Variants in GREM2 observed in about 807,000 individuals in gnomAD.
GREM2 encodes the protein gremlin 2, DAN family BMP antagonist.
A neutral mutation model predicts 14.2 loss-of-function variants in GREM2; 11 were observed. The observed-to-expected ratio is 0.78, with a 90% CI of 0.49 to 1.28. The LOEUF (loss-of-function observed/expected upper bound fraction) is 1.28, where lower values mean the gene tolerates loss of function less well. GREM2 is among the 50% of genes most tolerant of loss of function. The pLI is 0.00. For missense variants in GREM2, 210 were observed against 218.5 expected (o/e 0.96, Z 0.24); for synonymous variants, 98 against 97.6 (o/e 1.00, Z -0.02).
chr1:240,528,873 C>T (rs1372459697), intron 1 of GREM2, among the ~76,000 whole-genome samples: 1 of 152,186 alleles, frequency 6.6e-6, no homozygotes, highest in Non-Finnish European at 1.5e-5. Flanking sequence ...ATCAAGGAGA[C>T]TCGCTTAACC....
intron 1 of GREM2, among the ~76,000 whole-genome samples, chr1:240,527,521 T>C (rs866513631): frequency 2.0e-5 from 3 of 152,218 alleles, no homozygotes; most frequent in African/African-American, 7.2e-5. Flanking sequence ...GCTTCTCTGC[T>C]GACAGGAGAA....
chr1:240,510,166 G>A (rs542737748), intron 1 of GREM2, among the ~76,000 whole-genome samples: 3 of 152,028 alleles, frequency 2.0e-5, no homozygotes, highest in Non-Finnish European at 4.4e-5. Context: ...TCAGGAGATT[G>A]GGACCATCCT....
intron 1 of GREM2, among the ~76,000 whole-genome samples, chr1:240,538,221 A>T (rs1440816693): frequency 6.6e-6 from 1 of 152,114 alleles, no homozygotes; most frequent in Non-Finnish European, 1.5e-5. Context: ...GCACCCCTCA[A>T]ATGCTATGAC....
chr1:240,510,167 G>A (rs56253812), intron 1 of GREM2, among the ~76,000 whole-genome samples: 3,235 of 151,850 alleles, frequency 0.021, 45 homozygotes, highest in Middle Eastern at 0.092. Context: ...CAGGAGATTG[G>A]GACCATCCTG....
chr1:240,586,050 TCA>T lies in GREM2; in HGVS notation c.-2+25832_-2+25833del, dbSNP rs1036236952. 6.0e-5 allele frequency among the ~76,000 whole-genome samples: 9 copies of T among 151,004 alleles called. No homozygotes were observed. In the East Asian group the frequency reaches 7.8e-4, roughly 13 times the overall value. ...ATAGAAAAAAAAAAAAAGACAAAACTCACACACAGAGCAGAAAAGCCCTTTCT... is the reference window on the plus strand; with the variant it reads ...ATAGAAAAAAAAAAAAAGACAAAACTCACACAGAGCAGAAAAGCCCTTTCT... On this transcript the variant is annotated intron_variant, in intron 1 of 1. Coordinates refer to ENST00000318160, the MANE Select transcript of GREM2 (RefSeq NM_022469.4).
intron 1 of GREM2, among the ~76,000 whole-genome samples, chr1:240,512,015 A>C (rs1677844873): frequency 6.6e-6 from 1 of 152,230 alleles, no homozygotes; most frequent in African/African-American, 2.4e-5. Flanking sequence ...AAGCAGGGAA[A>C]AGAACATGTG....
chr1:240,544,061 G>A (rs1461549655), intron 1 of GREM2, among the ~76,000 whole-genome samples: 1 of 151,806 alleles, frequency 6.6e-6, no homozygotes, highest in African/African-American at 2.4e-5. Context: ...ATGAAGTGAT[G>A]TATAGACACT....
intron 1 of GREM2, among the ~76,000 whole-genome samples, chr1:240,547,532 T>TATAGACAGATAGATAG (rs1553275860): frequency 1.1e-3 from 130 of 121,842 alleles, no homozygotes; most frequent in African/African-American, 4.5e-3. Context: ...TATATATATA[T>TATAGACAGATAGATAG]ATAGATAGAT....
intron 1 of GREM2, among the ~76,000 whole-genome samples, chr1:240,567,939 T>C (rs1305685657): frequency 6.6e-6 from 1 of 152,082 alleles, no homozygotes; most frequent in African/African-American, 2.4e-5. Context: ...TAAAACCCTG[T>C]CTCTACTAAA....
At chr1:240,609,868 C>T (rs1558182825) in intron 1 of GREM2, among the ~76,000 whole-genome samples, 1 of 151,912 alleles carries the variant, frequency 6.6e-6, no homozygotes, top group Non-Finnish European at 1.5e-5. Flanking sequence ...AGGCATGTAC[C>T]TTGTTTAAAC....
At position 240,507,960 on chromosome 1, in the gene GREM2, A is replaced by G. The variant is rs528435363; in HGVS notation, c.-1-14484T>C. 1.4e-3 allele frequency among the ~76,000 whole-genome samples: 206 copies of G among 152,342 alleles called. 1 individual carries two copies. The highest frequency in any genetic ancestry group is 2.6e-3 in the Non-Finnish European group (176 of 68,036). ...TAAATGAAATAACTAGAGAGGATGGAAAGTGTTTTCTGACCCACAGCATTG... is the reference window on the plus strand; with the variant it reads ...TAAATGAAATAACTAGAGAGGATGGGAAGTGTTTTCTGACCCACAGCATTG... On this transcript the variant is annotated intron_variant, in intron 1 of 1. Coordinates refer to ENST00000318160, the MANE Select transcript of GREM2 (RefSeq NM_022469.4).
chr1:240,541,959 G>A (rs1320759779), intron 1 of GREM2, among the ~76,000 whole-genome samples: 1 of 152,078 alleles, frequency 6.6e-6, no homozygotes, highest in East Asian at 1.9e-4. Flanking sequence ...TCTCTACTCT[G>A]TACTCCATTT....
intron 1 of GREM2, among the ~76,000 whole-genome samples, chr1:240,563,010 GTA>G (rs1201492590): frequency 3.3e-5 from 5 of 149,828 alleles, no homozygotes; most frequent in African/African-American, 1.2e-4. Flanking sequence ...ATATGTGAGT[GTA>G]TGTGTGTATG....
intron 1 of GREM2, among the ~76,000 whole-genome samples, chr1:240,508,788 C>G (rs533190254): frequency 6.6e-6 from 1 of 152,126 alleles, no homozygotes; most frequent in Non-Finnish European, 1.5e-5. Context: ...CACAACACAC[C>G]TGGGAATGCA....
intron 1 of GREM2, among the ~76,000 whole-genome samples, chr1:240,562,667 T>C (rs1465887437): frequency 2.0e-5 from 3 of 152,162 alleles, no homozygotes; most frequent in African/African-American, 7.2e-5. Context: ...CTTTTCTCTT[T>C]AGCATTTACT....
chr1:240,580,779 C>A lies in GREM2; in HGVS notation c.-2+31105G>T, dbSNP rs563923439. 2.0e-5 allele frequency among the ~76,000 whole-genome samples: 3 copies of A among 152,264 alleles called. No homozygotes were observed. The East Asian group carries it at 5.8e-4, about 30-fold the overall frequency. Reference sequence around the variant, plus strand: ...GAAGAGATGGTGTCTCACTATTTTGCCCAGGCTGATCTTAAACTCCTCACC... The same window carrying A: ...GAAGAGATGGTGTCTCACTATTTTGACCAGGCTGATCTTAAACTCCTCACC... On this transcript the variant is annotated intron_variant, in intron 1 of 1. Coordinates refer to ENST00000318160, the MANE Select transcript of GREM2 (RefSeq NM_022469.4).
At chr1:240,577,415 G>A (rs1249641875) in intron 1 of GREM2, among the ~76,000 whole-genome samples, 2 of 152,052 alleles carry the variant, frequency 1.3e-5, no homozygotes, top group East Asian at 1.9e-4. Flanking sequence ...CTCCAACAAC[G>A]ACACACACAA....
chr1:240,575,403 G>C (rs1380679934), intron 1 of GREM2, among the ~76,000 whole-genome samples: 1 of 151,716 alleles, frequency 6.6e-6, no homozygotes, highest in African/African-American at 2.4e-5. Context: ...GGGTTGGGGG[G>C]TGGGGGTGTC....
chr1:240,506,756 G>A (rs1398165639), intron 1 of GREM2, among the ~76,000 whole-genome samples: 1 of 152,164 alleles, frequency 6.6e-6, no homozygotes, highest in East Asian at 1.9e-4. Flanking sequence ...GAGATACAAA[G>A]AAGAATAAGA....
Sources: gnomAD v4.1 joint callset for allele counts (sites outside exome capture counted in the v4.1 genomes callset) on GRCh38, gnomAD v4.1.1 for gene constraint, MANE v1.5 for transcripts, NCBI Gene and HGNC (gene_info 2026-07-23, HGNC 2026-07-21) for gene names.